COL5A1: variants seen among roughly 807,000 people sequenced by gnomAD.
COL5A1 encodes collagen type V alpha 1 chain.
In COL5A1, 16 loss-of-function variants were observed where a neutral mutation model predicts 263.7. That is an observed-to-expected ratio of 0.06 (90% CI 0.04 to 0.09). The LOEUF is 0.09. Ranked by LOEUF, COL5A1 falls within the 10% of genes least tolerant of loss-of-function variation. COL5A1 has a pLI of 1.00. For synonymous variants in COL5A1, 1,012 were observed against 1,004.5 expected (o/e 1.01, Z -0.14); for missense variants, 2,036 against 2,540.5 (o/e 0.80, Z 4.27).
At chr9:134,778,865 T>C (rs149196281) in intron 27 of COL5A1, among the ~76,000 whole-genome samples, 2,118 of 152,362 alleles carry the variant, frequency 0.014, 57 homozygotes, top group African/African-American at 0.047. Flanking sequence ...TCTGCGTGGC[T>C]GGAAGTGCCT....
At position 134,818,649 on chromosome 9, in the gene COL5A1, C is replaced by A. The variant is rs2132863856; in HGVS notation, c.4231-7C>A. 3 of 1,605,828 alleles carry A rather than the reference C, an allele frequency of 1.9e-6. No individual in the cohort carries two copies. Among genetic ancestry groups the A allele is most frequent in the Non-Finnish European group, 2.6e-6 (3 of 1,176,472 alleles). On this transcript the variant is annotated splice_region_variant and splice_polypyrimidine_tract_variant and intron_variant, in intron 54 of 65. Coordinates refer to ENST00000371817, the MANE Select transcript of COL5A1 (RefSeq NM_000093.5). This position sits in a 1 kb window ranked among gnomAD's most constrained non-coding sequence, Gnocchi z 6.0. ...CGGACCTCATTCTGCCCTCCGCCGT[C>A]CTGCAGGGAGAAGCCGGCTTGGAAG...
At chr9:134,811,024 C>G (rs1259479003) in intron 44 of COL5A1, among the ~76,000 whole-genome samples, 1 of 152,168 alleles carries the variant, frequency 6.6e-6, no homozygotes, top group African/African-American at 2.4e-5. Flanking sequence ...GATCCTGGAC[C>G]CTCACTGTTG....
Position 134,696,233 on chromosome 9 carries a change from G to GCA in COL5A1, c.278-3676_278-3675insCA, listed in dbSNP as rs1833462262. Among the ~76,000 whole-genome samples, 2 of 152,122 alleles carry GCA rather than the reference G, an allele frequency of 1.3e-5. No individual in the cohort carries two copies. Among genetic ancestry groups the GCA allele is most frequent in the African/African-American group, 4.8e-5 (2 of 41,416 alleles). ...CTGTCGCCCAGGCTGGAGTGCAGTG[G>GCA]TGTAATCTTGGCTCACGGCAACCTC... On this transcript the variant is annotated intron_variant, in intron 2 of 65. Transcript: ENST00000371817. This position sits in a 1 kb window ranked among gnomAD's most constrained non-coding sequence, Gnocchi z 4.3.
chr9:134,654,624 TG>T (rs1202249618), intron 1 of COL5A1, among the ~76,000 whole-genome samples: 9 of 109,420 alleles, frequency 8.2e-5, no homozygotes, highest in African/African-American at 1.1e-4. Flanking sequence ...TGTGTAGGGC[TG>T]GGGGTGTGTA....
rs948690126 is a variant in COL5A1 at position 134,829,987 on chromosome 9, T to C, written c.5079T>C (p.Thr1693=). ...CGCTGCATGTTTAGGCCAGAATCACTTCTTGGCCCAAAGAAAACCCGGGCT... is the reference window on the plus strand; with the variant it reads ...CGCTGCATGTTTAGGCCAGAATCACCTCTTGGCCCAAAGAAAACCCGGGCT... The part of the protein sequence containing the change: ...PDKKSEGARI[T]SWPKENPGSW... Residue 1693 remains threonine (T), a synonymous_variant, in exon 64 of 66, where the codon ACT becomes ACC. Transcript: ENST00000371817. 5 of 1,613,542 alleles carry C rather than the reference T, an allele frequency of 3.1e-6. No individual in the cohort carries two copies. The African/African-American group carries it at 4.0e-5, about 13-fold the overall frequency.
intron 61 of COL5A1, 36 bp from the exon 62 acceptor site, chr9:134,824,564 T>TC: frequency 6.2e-7 from 1 of 1,612,326 alleles, no homozygotes; most frequent in Non-Finnish European, 8.5e-7. Flanking sequence ...CTTCCCATCC[T>TC]CCATCACCCA....
intron 57 of COL5A1, among the ~76,000 whole-genome samples, 187 bp downstream of exon 57, chr9:134,819,240 G>T (rs988743406): frequency 6.6e-6 from 1 of 152,230 alleles, no homozygotes; most frequent in African/African-American, 2.4e-5. Context: ...CTTGGCCCCT[G>T]CCTCTGGGGG....
intron 64 of COL5A1, among the ~76,000 whole-genome samples, chr9:134,833,241 T>G: frequency 6.6e-6 from 1 of 152,040 alleles, no homozygotes; most frequent in Non-Finnish European, 1.5e-5. Flanking sequence ...AAGTGTCAGG[T>G]TTTTCAGAAA....
At chr9:134,760,118 CCA>C (rs1406265943) in intron 18 of COL5A1, among the ~76,000 whole-genome samples, 10 of 105,474 alleles carry the variant, frequency 9.5e-5, no homozygotes, top group South Asian at 3.5e-4. Flanking sequence ...TCATACACGC[CCA>C]CACACCCCCA....
intron 4 of COL5A1, among the ~76,000 whole-genome samples, chr9:134,712,029 C>T (rs1167094459): frequency 1.6e-5 from 2 of 124,472 alleles, no homozygotes; most frequent in Admixed American, 8.3e-5. Flanking sequence ...CCTTCCTTCC[C>T]CCCTTCTTCC....
rs1408166825 is a variant in COL5A1, at chr9:134,686,002, A to T, written c.110-4910A>T. On this transcript the variant is annotated intron_variant, in intron 1 of 65. Coordinates refer to ENST00000371817, the MANE Select transcript of COL5A1 (RefSeq NM_000093.5). This position sits in a 1 kb window ranked among gnomAD's most constrained non-coding sequence, Gnocchi z 4.6. ...TAGCCATCCATCCACCCACCCATCC[A>T]TCCATTCATCCATCCATCCATTCAT... 6.6e-6 allele frequency among the ~76,000 whole-genome samples: 1 copy of T among 151,414 alleles called. No homozygotes were observed. The highest frequency in any genetic ancestry group is 2.1e-4 in the South Asian group (1 of 4,774).
At position 134,822,082 on chromosome 9, in the gene COL5A1, T is replaced by C; in HGVS notation, c.4555-15T>C. On this transcript the variant is annotated splice_polypyrimidine_tract_variant and intron_variant, in intron 58 of 65. Transcript: ENST00000371817. ...CGTCTGAAGGTGATAACCTGCATTT[T>C]CTGGTCCTTTTCAGGGTATCACTGG... 6.2e-7 allele frequency: 1 copy of C among 1,613,488 alleles called. No homozygotes were observed. The highest frequency in any genetic ancestry group is 8.5e-7 in the Non-Finnish European group (1 of 1,179,536).
chr9:134,700,702 C>A lies in COL5A1; in HGVS notation c.492-469C>A, dbSNP rs1161616195. ...CTCCTTCCACCATTTCCCGTCCACACCCGGTCTTCTCTGGCTGCCTGCAGT... is the reference window on the plus strand; with the variant it reads ...CTCCTTCCACCATTTCCCGTCCACAACCGGTCTTCTCTGGCTGCCTGCAGT... On this transcript the variant is annotated intron_variant, in intron 3 of 65. Transcript: ENST00000371817. The surrounding 1 kb of genome is among the most constrained non-coding windows in gnomAD (Gnocchi z 4.0). 6.6e-6 allele frequency among the ~76,000 whole-genome samples: 1 copy of A among 152,242 alleles called. No homozygotes were observed. Among genetic ancestry groups the A allele is most frequent in the African/African-American group, 2.4e-5 (1 of 41,464 alleles).
intron 1 of COL5A1, among the ~76,000 whole-genome samples, chr9:134,679,520 T>C (rs1479159566): frequency 3.4e-5 from 2 of 59,164 alleles, no homozygotes; most frequent in East Asian, 1.0e-3. Flanking sequence ...TTGGGGGCAC[T>C]GCAGGGCTGG....
Position 134,821,480 on chromosome 9 carries a change from A to G in COL5A1, c.4555-617A>G, listed in dbSNP as rs866624753. ...CCGGAGAGAGCTCTGAGTGGAATCC[A>G]GGGCTGTAGGGAGAGAGGCTGCAGG... is the stretch of plus-strand genomic sequence containing the variant. On this transcript the variant is annotated intron_variant, in intron 58 of 65. Coordinates refer to ENST00000371817, the MANE Select transcript of COL5A1 (RefSeq NM_000093.5). This position sits in a 1 kb window ranked among gnomAD's most constrained non-coding sequence, Gnocchi z 4.2. 6.6e-6 allele frequency among the ~76,000 whole-genome samples: 1 copy of G among 152,156 alleles called. No homozygotes were observed. The highest frequency in any genetic ancestry group is 6.5e-5 in the Admixed American group (1 of 15,276).
chr9:134,701,157 C>T lies in COL5A1; in HGVS notation c.492-14C>T. On this transcript the variant is annotated splice_polypyrimidine_tract_variant and intron_variant, in intron 3 of 65. Coordinates refer to ENST00000371817, the MANE Select transcript of COL5A1 (RefSeq NM_000093.5). ...GTGATCCAAGCCCTGTCTTCACCAT[C>T]TGTTTCTTTGCAGGTGGCACAGAAT... The T allele has an allele frequency of 6.2e-7, 1 of 1,613,694 alleles. No individual in the cohort carries two copies. The highest frequency in any genetic ancestry group is 8.5e-7 in the Non-Finnish European group (1 of 1,179,888).
chr9:134,828,675 G>A (rs370529896), intron 63 of COL5A1, among the ~76,000 whole-genome samples: 13 of 416 alleles, frequency 0.031, no homozygotes, highest in South Asian at 0.14. Context: ...CCCATAATGC[G>A]CCATACACAC....
At chr9:134,743,213 G>A (rs1254552430) in intron 11 of COL5A1, among the ~76,000 whole-genome samples, 3 of 152,154 alleles carry the variant, frequency 2.0e-5, no homozygotes, top group Non-Finnish European at 2.9e-5. Flanking sequence ...CCTGAATACC[G>A]TCCAGTGTTA....
chr9:134,699,367 G>GT (rs1564395770), intron 2 of COL5A1, among the ~76,000 whole-genome samples: 1 of 152,004 alleles, frequency 6.6e-6, no homozygotes, highest in Non-Finnish European at 1.5e-5. Context: ...TCTGTTTTGC[G>GT]TATCAACCAG....
Sources: gnomAD v4.1 joint callset for allele counts (sites outside exome capture counted in the v4.1 genomes callset) on GRCh38, gnomAD v4.1.1 for gene constraint, Gnocchi (gnomAD v3.1) non-coding constraint, MANE v1.5 for transcripts, NCBI Gene and HGNC (gene_info 2026-07-23, HGNC 2026-07-21) for gene names.